Variants in SOAT1 observed in about 807,000 individuals in gnomAD.
SOAT1 encodes the protein acyl-coenzyme A:cholesterol acyltransferase 1.
A neutral mutation model predicts 69.5 loss-of-function variants in SOAT1; 55 were observed. That is an observed-to-expected ratio of 0.79 (90% CI 0.64 to 0.99). SOAT1 has a LOEUF of 0.99. SOAT1 is among the 50% of genes least tolerant of loss of function. The pLI, the probability that SOAT1 is intolerant of heterozygous loss-of-function variation, is 0.00. For missense variants in SOAT1, 580 were observed against 669.3 expected (o/e 0.87, Z 1.47); for synonymous variants, 231 against 224.7 (o/e 1.03, Z -0.25).
At chr1:179,340,440 G>A (rs1666293987) in intron 6 of SOAT1, among the ~76,000 whole-genome samples, 1 of 152,236 alleles carries the variant, frequency 6.6e-6, no homozygotes, top group Middle Eastern at 3.4e-3. Context: ...CTGTGTTTGT[G>A]CCACTGCACT....
At chr1:179,321,067 T>C (rs748732558) in intron 2 of SOAT1, among the ~76,000 whole-genome samples, 1 of 152,032 alleles carries the variant, frequency 6.6e-6, no homozygotes, top group African/African-American at 2.4e-5. Context: ...CCACCATGCC[T>C]GGACAATTTT....
At chr1:179,344,769 A>G (rs929235403) in intron 10 of SOAT1, among the ~76,000 whole-genome samples, 178 bp from the exon 11 acceptor site, 1 of 152,170 alleles carries the variant, frequency 6.6e-6, no homozygotes, top group Non-Finnish European at 1.5e-5. Flanking sequence ...GATGGTAGAA[A>G]CTAGGCTTGA....
At chr1:179,349,327 C>A (rs1666641449) in intron 13 of SOAT1, among the ~76,000 whole-genome samples, 1 of 72,362 alleles carries the variant, frequency 1.4e-5, no homozygotes, top group Non-Finnish European at 2.8e-5. Context: ...GGTAGAGAAA[C>A]ACTTTTTTTT....
At chr1:179,321,583 C>T (rs571995285) in intron 2 of SOAT1, among the ~76,000 whole-genome samples, 2 of 152,270 alleles carry the variant, frequency 1.3e-5, no homozygotes, top group Non-Finnish European at 2.9e-5. Context: ...TGGAACTATC[C>T]TCCATCTCTA....
chr1:179,314,713 G>A (rs576381201), intron 2 of SOAT1, among the ~76,000 whole-genome samples: 1 of 152,228 alleles, frequency 6.6e-6, no homozygotes, highest in Non-Finnish European at 1.5e-5. Flanking sequence ...ATAGGCGTGA[G>A]CCAGCACGCC....
At chr1:179,312,416 T>A (rs6682127) in intron 2 of SOAT1, among the ~76,000 whole-genome samples, 41,260 of 152,064 alleles carry the variant, frequency 0.27, 5,787 homozygotes, top group East Asian at 0.46. Flanking sequence ...ATGACTTCTA[T>A]CAGAAGAGAA....
chr1:179,324,660 T>C (rs1286921284), intron 3 of SOAT1, among the ~76,000 whole-genome samples: 1 of 152,244 alleles, frequency 6.6e-6, no homozygotes, highest in Admixed American at 6.5e-5. Context: ...TCATTTCTGA[T>C]GAATGTCTTT....
chr1:179,326,574 T>C (rs1665800633), intron 3 of SOAT1, among the ~76,000 whole-genome samples: 1 of 127,390 alleles, frequency 7.8e-6, no homozygotes, highest in South Asian at 2.6e-4. Flanking sequence ...TTTTTTTTTT[T>C]TGAGACAGAG....
Position 179,322,914 on chromosome 1 carries a change from T to C in SOAT1, c.119-523T>C, listed in dbSNP as rs117281129. Among the ~76,000 whole-genome samples, 1,326 of 152,334 alleles carry C rather than the reference T, an allele frequency of 8.7e-3. 44 individuals carry two copies. Among genetic ancestry groups the C allele is most frequent in the Admixed American group, 0.058 (885 of 15,288 alleles). ...CTAGACTTTGCCATTCTGTAAAGTATTGTCCTCTGTGTACTATTCTGCAAA... is the reference window on the plus strand; with the variant it reads ...CTAGACTTTGCCATTCTGTAAAGTACTGTCCTCTGTGTACTATTCTGCAAA... On this transcript the variant is annotated intron_variant, in intron 2 of 15. Coordinates refer to ENST00000367619, the MANE Select transcript of SOAT1 (RefSeq NM_003101.6).
At chr1:179,332,569 C>T (rs1390256352) in intron 3 of SOAT1, among the ~76,000 whole-genome samples, 1 of 152,078 alleles carries the variant, frequency 6.6e-6, no homozygotes, top group Non-Finnish European at 1.5e-5. Flanking sequence ...TTCTCCCTTC[C>T]TTCCTTCTCT....
In SOAT1 at chr1:179,337,853, C is replaced by G; in HGVS notation, c.346C>G (p.Pro116Ala). ...TCTTCTCAGGGATTTGAGAGCACCT[C>G]CAGAACAAGGAAAGATTTTTATTGC... ...NHRAKDLRAP[P>A]EQGKIFIARR... Residue 116 changes from proline to alanine, a missense_variant, in exon 5 of 16, where the codon CCA becomes GCA. Coordinates refer to ENST00000367619, the MANE Select transcript of SOAT1 (RefSeq NM_003101.6). The G allele has an allele frequency of 6.2e-7, 1 of 1,610,486 alleles. No individual in the cohort carries two copies. The highest frequency in any genetic ancestry group is 1.7e-4 in the Middle Eastern group (1 of 5,888).
intron 1 of SOAT1, among the ~76,000 whole-genome samples, chr1:179,294,950 TTTC>T (rs1664582099): frequency 6.6e-6 from 1 of 152,204 alleles, no homozygotes; most frequent in Non-Finnish European, 1.5e-5. Flanking sequence ...GCTTTTTTTT[TTTC>T]TTTTTAAAAG....
intron 5 of SOAT1, among the ~76,000 whole-genome samples, chr1:179,338,518 A>ATTAT (rs1571444367): frequency 6.6e-6 from 1 of 152,216 alleles, no homozygotes; most frequent in Non-Finnish European, 1.5e-5. Context: ...CCCCTAGATA[A>ATTAT]GAAGGCCGGT....
chr1:179,323,995 T>A (rs958531023), intron 3 of SOAT1, among the ~76,000 whole-genome samples: 9 of 152,142 alleles, frequency 5.9e-5, no homozygotes, highest in African/African-American at 1.9e-4. Context: ...AACACTTTTT[T>A]AAAAAAACAT....
intron 3 of SOAT1, among the ~76,000 whole-genome samples, chr1:179,326,368 A>G (rs1665789519): frequency 6.6e-6 from 1 of 152,070 alleles, no homozygotes; most frequent in African/African-American, 2.4e-5. Flanking sequence ...ATTCCTAACT[A>G]CTTAGTTTAT....
rs1666929819 is a variant in SOAT1, at chr1:179,356,963, A to G, written c.*3322A>G. 6.6e-6 allele frequency: 1 copy of G among 152,052 alleles called. No individual in the cohort carries two copies. Among genetic ancestry groups the G allele is most frequent in the African/African-American group, 2.4e-5 (1 of 41,390 alleles). The allele number at this position is 152,052 out of a possible 1,614,324, so 9.4% of individuals were successfully genotyped here. A position where few individuals can be genotyped will look rare whatever the true frequency, so the allele number is the denominator to read the frequency against. On this transcript the variant is annotated 3_prime_UTR_variant, in exon 16 of 16. Transcript: ENST00000367619. ...TGCAGAAAGCTTTGGGATTACAGGC[A>G]TGAGCCACCATGCCAAGCCCATACT...
chr1:179,337,935 T>TA (rs1186468483), intron 5 of SOAT1, 39 bp downstream of exon 5: 35 of 1,399,564 alleles, frequency 2.5e-5, no homozygotes, highest in Non-Finnish European at 3.4e-5. Flanking sequence ...GTTTGATTTT[T>TA]AAAAAACTAT....
At chr1:179,346,993 G>C (rs997705948) in intron 11 of SOAT1, among the ~76,000 whole-genome samples, 2 of 152,066 alleles carry the variant, frequency 1.3e-5, no homozygotes, top group South Asian at 2.1e-4. Context: ...GTTTAAGAGG[G>C]GGGTATGGGG....
At chr1:179,327,425 A>G (rs551774572) in intron 3 of SOAT1, among the ~76,000 whole-genome samples, 2 of 152,304 alleles carry the variant, frequency 1.3e-5, no homozygotes, top group African/African-American at 2.4e-5. Flanking sequence ...GGTTTACGTC[A>G]TAATTGTGTA....
Sources: allele counts gnomAD v4.1 joint callset (sites outside exome capture counted in the v4.1 genomes callset), GRCh38; gene constraint gnomAD v4.1.1; transcripts MANE v1.5; gene names NCBI Gene and HGNC (gene_info 2026-07-23, HGNC 2026-07-21).